Variants in KIFC3 observed in about 807,000 individuals in gnomAD.
The protein encoded by KIFC3 is kinesin-like protein KIFC3.
In KIFC3, 60 loss-of-function variants were observed where a neutral mutation model predicts 101.8. The ratio of observed to expected loss-of-function variants is 0.59; its 90% CI spans 0.48 to 0.73. The LOEUF (loss-of-function observed/expected upper bound fraction) is 0.73. Among genes scored for constraint, KIFC3 ranks in the 30% least tolerant of loss-of-function variants. KIFC3 has a pLI of 0.00. For missense variants in KIFC3, 966 were observed against 1,137.1 expected (o/e 0.85, Z 2.16); for synonymous variants, 476 against 482.7 (o/e 0.99, Z 0.18).
chr16:57,758,874 G>T lies in KIFC3; in HGVS notation c.*60C>A. 6.3e-7 allele frequency: 1 copy of T among 1,599,954 alleles called. No homozygotes were observed. Among genetic ancestry groups the T allele is most frequent in the Non-Finnish European group, 8.5e-7 (1 of 1,172,434 alleles). ...AGGGCCCAGCTTCAGGCCCAGCGGG[G>T]TCACATCCGTCACACAGGCAGTGGC... is the stretch of plus-strand genomic sequence containing the variant. On this transcript the variant is annotated 3_prime_UTR_variant, in exon 20 of 20. Coordinates refer to ENST00000445690, the MANE Select transcript of KIFC3 (RefSeq NM_001130100.2).
intron 1 of KIFC3, chr16:57,816,775 C>T (rs1555628941): frequency 2.2e-6 from 1 of 455,156 alleles, no homozygotes. Flanking sequence ...GCCACCCCTT[C>T]CAGGCAGGAG....
Position 57,761,179 on chromosome 16 carries a change from A to G in KIFC3, c.1873-8T>C, listed in dbSNP as rs993927753. ...GTGGCCAAACTCAAACACCTGGGGG[A>G]TTGGGAGGAGGGCAGAGGCACAGCG... On this transcript the variant is annotated splice_region_variant and splice_polypyrimidine_tract_variant and intron_variant, in intron 14 of 19. Transcript: ENST00000445690. 6 of 1,613,296 alleles carry G rather than the reference A, an allele frequency of 3.7e-6. No individual in the cohort carries two copies. In the African/African-American group the frequency reaches 8.0e-5, roughly 22 times the overall value.
At chr16:57,788,566 C>T (rs1231524721) in intron 3 of KIFC3, 2 of 1,284,936 alleles carry the variant, frequency 1.6e-6, no homozygotes, top group African/African-American at 3.1e-5. Flanking sequence ...GCGGGCAGGC[C>T]TGCTTTACCT....
intron 11 of KIFC3, 28 bp from the exon 12 acceptor site, chr16:57,764,275 T>TGGGGGGGGGGTGGGTGGGGGGGG: frequency 1.9e-6 from 1 of 539,934 alleles, no homozygotes; most frequent in Non-Finnish European, 3.5e-6. Flanking sequence ...GGGAGGCTGG[T>TGGGGGGGGGGTGGGTGGGGGGGG]GGGGGGGCTT....
At chr16:57,786,655 A>T (rs1555617872) in intron 3 of KIFC3, among the ~76,000 whole-genome samples, 1 of 152,098 alleles carries the variant, frequency 6.6e-6, no homozygotes, top group Non-Finnish European at 1.5e-5. Context: ...TCCACCTCGG[A>T]GCCTGGGGCT....
At chr16:57,784,571 C>T (rs1259876541) in intron 3 of KIFC3, among the ~76,000 whole-genome samples, 1 of 152,152 alleles carries the variant, frequency 6.6e-6, no homozygotes, top group Non-Finnish European at 1.5e-5. Context: ...GCTCATGGGA[C>T]ACAGAAAGAA....
rs559009936 is a variant in KIFC3 at position 57,761,186 on chromosome 16, G to A, written c.1873-15C>T. On this transcript the variant is annotated splice_polypyrimidine_tract_variant and intron_variant, in intron 14 of 19. Coordinates refer to ENST00000445690, the MANE Select transcript of KIFC3 (RefSeq NM_001130100.2). The stretch of plus-strand genomic sequence containing the variant: ...AACTCAAACACCTGGGGGATTGGGA[G>A]GAGGGCAGAGGCACAGCGTTGAGAA... 3.1e-6 allele frequency: 5 copies of A among 1,613,080 alleles called. No homozygotes were observed. The highest frequency in any genetic ancestry group is 2.2e-5 in the East Asian group (1 of 44,854).
chr16:57,824,582 C>T (rs57832586), intron 1 of KIFC3, among the ~76,000 whole-genome samples: 13,570 of 152,186 alleles, frequency 0.089, 1,090 homozygotes, highest in East Asian at 0.22. Context: ...ACTTGGGAGA[C>T]TGAGATGGGA....
chr16:57,811,007 C>A (rs887560882), intron 1 of KIFC3, among the ~76,000 whole-genome samples: 8 of 152,168 alleles, frequency 5.3e-5, no homozygotes, highest in African/African-American at 1.9e-4. Context: ...GGACTGGTGA[C>A]CTTCTCAGGG....
At chr16:57,810,148 C>T (rs2055035140) in intron 1 of KIFC3, among the ~76,000 whole-genome samples, 1 of 152,114 alleles carries the variant, frequency 6.6e-6, no homozygotes, top group Admixed American at 6.5e-5. Context: ...CACCCTGGCA[C>T]TTCACTGGGG....
rs1039005151 is a variant in KIFC3, at chr16:57,800,761, G to A, written c.-40+1609C>T. 5.3e-5 allele frequency among the ~76,000 whole-genome samples: 8 copies of A among 152,214 alleles called. No homozygotes were observed. In the South Asian group the frequency reaches 1.0e-3, roughly 20 times the overall value. On this transcript the variant is annotated intron_variant, in intron 1 of 19. Coordinates refer to ENST00000445690, the MANE Select transcript of KIFC3 (RefSeq NM_001130100.2). ...GCAGCTGAATTTAGCAGCCTCAGGG[G>A]TGTGAAGGTCAAAAGTATCAAGGAA...
At chr16:57,860,963 C>T (rs1959238270) in intron 1 of KIFC3, among the ~76,000 whole-genome samples, 1 of 152,120 alleles carries the variant, frequency 6.6e-6, no homozygotes, top group African/African-American at 2.4e-5. Context: ...CCATCCATCT[C>T]AGCCTCCCAA....
At chr16:57,827,723 G>A (rs1487460967) in intron 1 of KIFC3, among the ~76,000 whole-genome samples, 8 of 152,132 alleles carry the variant, frequency 5.3e-5, no homozygotes, top group Admixed American at 5.2e-4. Flanking sequence ...CCCTCCAGTG[G>A]GCACAGCACG....
chr16:57,822,963 C>T (rs2055382605), intron 1 of KIFC3, among the ~76,000 whole-genome samples: 2 of 152,026 alleles, frequency 1.3e-5, no homozygotes, highest in South Asian at 2.1e-4. Flanking sequence ...TAAGGTCCCC[C>T]CCAACCATCT....
At chr16:57,859,890 C>T (rs1182320167) in intron 1 of KIFC3, among the ~76,000 whole-genome samples, 21 of 151,240 alleles carry the variant, frequency 1.4e-4, no homozygotes, top group South Asian at 4.2e-4. Context: ...GGTGTGGTGG[C>T]GCATGCCTGT....
At chr16:57,790,380 C>CTTTT (rs200519923) in intron 3 of KIFC3, among the ~76,000 whole-genome samples, 4 of 129,212 alleles carry the variant, frequency 3.1e-5, no homozygotes, top group African/African-American at 8.8e-5. Context: ...CCATGCCCAG[C>CTTTT]TTTTTTTTTT....
rs533413856 is a variant in KIFC3 at position 57,764,261 on chromosome 16, G to A, written c.1513-14C>T. ...CTCCTGGAACACCTGGGAGGGTGGT[G>A]GGAGGGAGGCTGGTGGGGGGGCTTC... On this transcript the variant is annotated splice_polypyrimidine_tract_variant and intron_variant, in intron 11 of 19. Transcript: ENST00000445690. The A allele has an allele frequency of 7.9e-6, 12 of 1,525,050 alleles. No individual in the cohort carries two copies. In the South Asian group the frequency reaches 1.3e-4, roughly 16 times the overall value. 94.5% of individuals were successfully genotyped at this position (1,525,050 alleles called of 1,614,324 possible). A position where few individuals can be genotyped will look rare whatever the true frequency, so the allele number is the denominator to read the frequency against.
intron 1 of KIFC3, among the ~76,000 whole-genome samples, chr16:57,837,579 A>AAGAAAGAAAGAAAGAAAG (rs1567332638): frequency 6.6e-6 from 1 of 151,504 alleles, no homozygotes; most frequent in African/African-American, 2.4e-5. Flanking sequence ...GAAAGAAAGA[A>AAGAAAGAAAGAAAGAAAG]AGAGTAGCAG....
At chr16:57,799,962 C>T (rs1413993378) in intron 1 of KIFC3, among the ~76,000 whole-genome samples, 2 of 151,412 alleles carry the variant, frequency 1.3e-5, no homozygotes, top group East Asian at 1.9e-4. Context: ...AAGAGTGGGG[C>T]GGGAGCTGGG....
Sources: gnomAD v4.1 joint callset for allele counts (sites outside exome capture counted in the v4.1 genomes callset) on GRCh38, gnomAD v4.1.1 for gene constraint, MANE v1.5 for transcripts, NCBI Gene and HGNC (gene_info 2026-07-23, HGNC 2026-07-21) for gene names.